SNX2: variants seen among roughly 807,000 people sequenced by gnomAD.
SNX2 encodes sorting nexin 2, also known as sorting nexin-2.
SNX2 carries 25 observed loss-of-function variants against 69.9 expected under a neutral mutation model. The ratio of observed to expected loss-of-function variants is 0.36; its 90% confidence interval spans 0.26 to 0.50. SNX2 has a LOEUF of 0.50. Among genes scored for constraint, SNX2 ranks in the 20% least tolerant of loss-of-function variants. SNX2 has a pLI of 0.97. For missense variants in SNX2, 551 were observed against 613.3 expected (o/e 0.90, Z 1.07); for synonymous variants, 229 against 200.4 (o/e 1.14, Z -1.20).
rs757910997 is a variant in SNX2 at position 122,810,674 on chromosome 5, TGAG to T, written c.722+2323_722+2325del. Reference sequence around the variant, plus strand: ...CATACCTTCATGTACTATGAAATGTTGAGGAGAGTTTTAAGGGATATTGAAACT... The same window carrying T: ...CATACCTTCATGTACTATGAAATGTTGAGAGTTTTAAGGGATATTGAAACT... On this transcript the variant is annotated intron_variant, in intron 7 of 14. Transcript: ENST00000379516. Among the ~76,000 whole-genome samples, 8 of 152,302 alleles carry T rather than the reference TGAG, an allele frequency of 5.3e-5. No individual in the cohort carries two copies. In the South Asian group the frequency reaches 1.2e-3, roughly 24 times the overall value.
At position 122,817,315 on chromosome 5, in the gene SNX2, G is replaced by C. The variant is rs200594938; in HGVS notation, c.948G>C (p.Leu316=). The change falls in exon 10 of 15, where the codon CTG becomes CTC. Residue 316 remains leucine, a synonymous_variant. Coordinates refer to ENST00000379516, the MANE Select transcript of SNX2 (RefSeq NM_003100.4). ...AAAAGCAGCAGCAATTTGAGAATCT[G>C]GATCAGCAACTTAGGAAACTTCATG... ...FEEKQQQFEN[L]DQQLRKLHVS... 2.8e-4 allele frequency: 445 copies of C among 1,613,922 alleles called. 3 individuals are homozygous for C. Among genetic ancestry groups the C allele is most frequent in the Middle Eastern group, 2.5e-3 (15 of 6,060 alleles).
intron 11 of SNX2, among the ~76,000 whole-genome samples, chr5:122,819,354 A>C (rs1331307235): frequency 6.6e-6 from 1 of 152,212 alleles, no homozygotes; most frequent in African/African-American, 2.4e-5. Context: ...ACCGGACTCT[A>C]TTATCATTAG....
chr5:122,815,857 A>T (rs1010144821), intron 7 of SNX2, 39 bp from the exon 8 acceptor site: 14 of 1,076,256 alleles, frequency 1.3e-5, no homozygotes, highest in Non-Finnish European at 1.9e-5. Context: ...GTAATTCAAG[A>T]TGCTACTGAT....
chr5:122,830,834 C>T lies in SNX2; in HGVS notation c.*1186C>T, dbSNP rs1754269352. Among the ~76,000 whole-genome samples, 1 of 151,952 alleles carries T rather than the reference C, an allele frequency of 6.6e-6. No individual in the cohort carries two copies. Among genetic ancestry groups the T allele is most frequent in the Non-Finnish European group, 1.5e-5 (1 of 67,986 alleles). On this transcript the variant is annotated 3_prime_UTR_variant, in exon 15 of 15. Coordinates refer to ENST00000379516, the MANE Select transcript of SNX2 (RefSeq NM_003100.4). ...GACTAGCCTGGCCAACATGGTAAAA[C>T]TCCATCTCTACTAAAAATACAAAAA...
At chr5:122,815,872 G>A in intron 7 of SNX2, 24 bp from the exon 8 acceptor site, 1 of 1,313,792 alleles carries the variant, frequency 7.6e-7, no homozygotes, top group Middle Eastern at 1.9e-4. Flanking sequence ...ACTGATAAAG[G>A]AGCAATTTTA....
In SNX2 at chr5:122,833,226, C is replaced by T. The variant is rs377468148; in HGVS notation, c.*3578C>T. The T allele has an allele frequency of 1.4e-4, 22 of 152,132 alleles. No homozygotes were observed. The highest frequency in any genetic ancestry group is 4.8e-4 in the African/African-American group (20 of 41,524). 9.4% of individuals were successfully genotyped at this position (152,132 alleles called of 1,614,324 possible). A position where few individuals can be genotyped will look rare whatever the true frequency, so the allele number is the denominator to read the frequency against. On this transcript the variant is annotated 3_prime_UTR_variant, in exon 15 of 15. Transcript: ENST00000379516. The stretch of plus-strand genomic sequence containing the variant: ...CAATGAAAGTAGATAATGGGTCAGA[C>T]ATGGAAATAGCAATAAAAGGGAATT...
chr5:122,788,208 GT>G (rs1302158319), intron 1 of SNX2, among the ~76,000 whole-genome samples: 1 of 152,190 alleles, frequency 6.6e-6, no homozygotes, highest in Non-Finnish European at 1.5e-5. Flanking sequence ...TTATTCCACT[GT>G]TTTGTAGCCT....
At chr5:122,780,224 A>G (rs61363987) in intron 1 of SNX2, among the ~76,000 whole-genome samples, 1,912 of 152,326 alleles carry the variant, frequency 0.013, 43 homozygotes, top group African/African-American at 0.044. Flanking sequence ...GTGGAAATCT[A>G]GTCTTCCTCT....
intron 2 of SNX2, among the ~76,000 whole-genome samples, chr5:122,798,701 C>A (rs1032193135): frequency 4.6e-5 from 7 of 152,128 alleles, no homozygotes; most frequent in Admixed American, 4.6e-4. Flanking sequence ...TTGTGATTTT[C>A]CCTTTCCTGG....
In SNX2 at chr5:122,830,562, T is replaced by C. The variant is rs1175055488; in HGVS notation, c.*914T>C. Among the ~76,000 whole-genome samples, 1 of 152,208 alleles carries C rather than the reference T, an allele frequency of 6.6e-6. No homozygotes were observed. The highest frequency in any genetic ancestry group is 2.4e-5 in the African/African-American group (1 of 41,440). On this transcript the variant is annotated 3_prime_UTR_variant, in exon 15 of 15. Transcript: ENST00000379516. ...TGTGCTCACAGTTGACAAGGAATGG[T>C]ACCATGTTAAAATATACCATGATTT...
At chr5:122,787,489 C>T (rs1304211316) in intron 1 of SNX2, among the ~76,000 whole-genome samples, 1 of 151,806 alleles carries the variant, frequency 6.6e-6, no homozygotes, top group East Asian at 1.9e-4. Context: ...CACTGCACAC[C>T]AGCCTGGGGG....
chr5:122,811,433 A>G (rs1009702202), intron 7 of SNX2, among the ~76,000 whole-genome samples: 20 of 152,334 alleles, frequency 1.3e-4, no homozygotes, highest in African/African-American at 4.8e-4. Flanking sequence ...GAGCATAATA[A>G]TAAGTGTATA....
chr5:122,823,778 T>TG (rs1754082641), intron 11 of SNX2, among the ~76,000 whole-genome samples: 7 of 86,298 alleles, frequency 8.1e-5, no homozygotes, highest in Admixed American at 1.3e-4. Flanking sequence ...CAACATGTGG[T>TG]CGTGTGTGTG....
At chr5:122,787,752 T>C (rs1414556996) in intron 1 of SNX2, among the ~76,000 whole-genome samples, 2 of 152,192 alleles carry the variant, frequency 1.3e-5, no homozygotes, top group African/African-American at 4.8e-5. Flanking sequence ...TTGTTTTTGT[T>C]ATATAAACAT....
chr5:122,785,767 T>G (rs1028921271), intron 1 of SNX2, among the ~76,000 whole-genome samples: 17 of 152,154 alleles, frequency 1.1e-4, no homozygotes, highest in Admixed American at 9.8e-4. Context: ...TTTTTTTAAT[T>G]TGTTAAAGTT....
chr5:122,812,094 C>A (rs1753791725), intron 7 of SNX2, among the ~76,000 whole-genome samples: 1 of 152,122 alleles, frequency 6.6e-6, no homozygotes, highest in Non-Finnish European at 1.5e-5. Flanking sequence ...ACTGCAGTAG[C>A]CTCCTAATTG....
At position 122,826,289 on chromosome 5, in the gene SNX2, G is replaced by A. The variant is rs147912884; in HGVS notation, c.1356+96G>A. 1,082 of 1,049,054 alleles carry A rather than the reference G, an allele frequency of 1.0e-3. 18 individuals carry two copies. The Admixed American group carries it at 0.028, about 27-fold the overall frequency. 65.0% of individuals were successfully genotyped at this position (1,049,054 alleles called of 1,614,324 possible). On this transcript the variant is annotated intron_variant, in intron 12 of 14. Transcript: ENST00000379516. ...TAATTTTTTGTAAACCATTCAACAC[G>A]TAGCTATTTTTGCATATTTTTATGA...
chr5:122,806,609 T>G (rs1258356873), intron 6 of SNX2, among the ~76,000 whole-genome samples: 1 of 151,874 alleles, frequency 6.6e-6, no homozygotes, highest in African/African-American at 2.4e-5. Context: ...TTTTATTTAT[T>G]TATTTATTTA....
chr5:122,785,276 T>C (rs1018059794), intron 1 of SNX2, among the ~76,000 whole-genome samples: 3 of 151,728 alleles, frequency 2.0e-5, no homozygotes, highest in Non-Finnish European at 2.9e-5. Flanking sequence ...TTCTAGTTTT[T>C]TTTTGTTGTT....
Sources: gnomAD v4.1 joint callset for allele counts (sites outside exome capture counted in the v4.1 genomes callset) on GRCh38, gnomAD v4.1.1 for gene constraint, MANE v1.5 for transcripts, NCBI Gene and HGNC (gene_info 2026-07-23, HGNC 2026-07-21) for gene names.